The following NKAIN2 variants were observed in gnomAD, a reference collection of about 807,000 sequenced individuals.
The protein encoded by NKAIN2 is sodium/potassium transporting ATPase interacting 2.
Under a neutral mutation model 32.6 loss-of-function variants are expected in NKAIN2, and 14 were observed. The ratio of observed to expected loss-of-function variants is 0.43; its 90% CI spans 0.28 to 0.67. NKAIN2 has a LOEUF of 0.67. Ranked by LOEUF, NKAIN2 falls within the 30% of genes least tolerant of loss-of-function variation. The probability of loss-of-function intolerance (pLI) is 0.17; values close to 1 mark genes in which losing one functional copy is unlikely to be tolerated. For synonymous variants in NKAIN2, 80 were observed against 87.2 expected, an observed-to-expected ratio of 0.92 and a Z score of 0.46; for missense variants, 198 against 258.3, an observed-to-expected ratio of 0.77 and a Z score of 1.60.
intron 1 of NKAIN2, among the ~76,000 whole-genome samples, chr6:124,085,246 A>G (rs1475495868): frequency 6.6e-6 from 1 of 152,106 alleles, no homozygotes; most frequent in Non-Finnish European, 1.5e-5. Context: ...GAATTGAAAT[A>G]CCATAAATTT....
At chr6:124,772,801 C>A (rs1296659814) in intron 4 of NKAIN2, among the ~76,000 whole-genome samples, 1 of 152,144 alleles carries the variant, frequency 6.6e-6, no homozygotes, top group African/African-American at 2.4e-5. Context: ...AACTCAGACA[C>A]TGTGGAATCC....
intron 1 of NKAIN2, among the ~76,000 whole-genome samples, chr6:124,177,428 G>A (rs1789215765): frequency 6.6e-6 from 1 of 152,012 alleles, no homozygotes; most frequent in Admixed American, 6.6e-5. Context: ...GACTACCACT[G>A]GAATCCTTTT....
chr6:124,296,766 G>A (rs1023302052), intron 2 of NKAIN2, among the ~76,000 whole-genome samples: 3 of 152,286 alleles, frequency 2.0e-5, no homozygotes, highest in East Asian at 1.9e-4. Flanking sequence ...GATATTAGGA[G>A]CAATTAAAAT....
chr6:124,385,325 A>G (rs998592530), intron 3 of NKAIN2, among the ~76,000 whole-genome samples: 2 of 152,090 alleles, frequency 1.3e-5, no homozygotes, highest in African/African-American at 2.4e-5. Flanking sequence ...TCTCTTAGCC[A>G]CTGGCAGCCC....
At position 123,982,966 on chromosome 6, in the gene NKAIN2, T is replaced by A. The variant is rs12662598; in HGVS notation, c.54+178712T>A. On this transcript the variant is annotated intron_variant, in intron 1 of 6. Coordinates refer to ENST00000368417, the MANE Select transcript of NKAIN2 (RefSeq NM_001040214.3). The stretch of plus-strand genomic sequence containing the variant: ...CCCTATTCCTTCCTTCTTTCCTCCA[T>A]TCTTTCCTTACCACCCCCACCCCCG... Among the ~76,000 whole-genome samples the A allele has an allele frequency of 0.01, 1,553 of 151,642 alleles. 98 individuals are homozygous for A. The East Asian group carries it at 0.18, about 17-fold the overall frequency.
At chr6:124,282,430 G>A (rs1470123230) in intron 1 of NKAIN2, among the ~76,000 whole-genome samples, 3 of 151,234 alleles carry the variant, frequency 2.0e-5, no homozygotes, top group South Asian at 2.1e-4. Flanking sequence ...TACACACCTC[G>A]TCAAAGTCCT....
At chr6:124,759,416 C>A (rs1778120186) in intron 4 of NKAIN2, among the ~76,000 whole-genome samples, 1 of 151,944 alleles carries the variant, frequency 6.6e-6, no homozygotes, top group South Asian at 2.1e-4. Flanking sequence ...AGGATCTAGT[C>A]TATATTATAT....
chr6:123,883,894 CAAAAAAAAA>C (rs369070419), intron 1 of NKAIN2, among the ~76,000 whole-genome samples: 2 of 63,876 alleles, frequency 3.1e-5, no homozygotes, highest in Non-Finnish European at 5.6e-5. Context: ...GACTCTGTCT[CAAAAAAAAA>C]AAAAAAAAAA....
intron 3 of NKAIN2, among the ~76,000 whole-genome samples, chr6:124,564,751 T>C (rs1583447458): frequency 6.6e-6 from 1 of 152,200 alleles, no homozygotes; most frequent in Non-Finnish European, 1.5e-5. Context: ...ATTGCACAAG[T>C]TGATTAAATT....
intron 3 of NKAIN2, among the ~76,000 whole-genome samples, chr6:124,616,859 G>C (rs558022222): frequency 1.3e-5 from 2 of 152,032 alleles, no homozygotes; most frequent in East Asian, 1.9e-4. Context: ...TGCATACATA[G>C]CTCTGTATCT....
At chr6:124,174,968 G>A (rs1036933324) in intron 1 of NKAIN2, among the ~76,000 whole-genome samples, 1 of 151,958 alleles carries the variant, frequency 6.6e-6, no homozygotes, top group Non-Finnish European at 1.5e-5. Context: ...ATTATCTGAG[G>A]ACTTTAATAA....
At chr6:124,013,178 TTTA>T (rs1253100247) in intron 1 of NKAIN2, among the ~76,000 whole-genome samples, 1 of 152,200 alleles carries the variant, frequency 6.6e-6, no homozygotes, top group Non-Finnish European at 1.5e-5. Context: ...GACATTTTGT[TTTA>T]TTATTCTAGA....
At chr6:124,076,822 C>T (rs955910204) in intron 1 of NKAIN2, among the ~76,000 whole-genome samples, 1 of 152,166 alleles carries the variant, frequency 6.6e-6, no homozygotes, top group African/African-American at 2.4e-5. Flanking sequence ...GAGTCACGCC[C>T]AGGCTCTCCT....
chr6:124,783,530 G>A (rs1478015484), intron 4 of NKAIN2, among the ~76,000 whole-genome samples: 1 of 152,274 alleles, frequency 6.6e-6, no homozygotes, highest in Non-Finnish European at 1.5e-5. Flanking sequence ...TAGCCCTGGA[G>A]GCAATCCTCC....
intron 4 of NKAIN2, among the ~76,000 whole-genome samples, chr6:124,763,524 G>A (rs551647286): frequency 6.6e-6 from 1 of 152,104 alleles, no homozygotes; most frequent in African/African-American, 2.4e-5. Flanking sequence ...TAGCACGAAG[G>A]GGGCAATCTG....
chr6:124,643,076 C>A (rs902164477), intron 3 of NKAIN2, among the ~76,000 whole-genome samples: 1 of 152,178 alleles, frequency 6.6e-6, no homozygotes, highest in African/African-American at 2.4e-5. Context: ...CACCACATAT[C>A]TCCTGCACAG....
At chr6:124,722,630 G>C (rs942591603) in intron 4 of NKAIN2, among the ~76,000 whole-genome samples, 3 of 152,180 alleles carry the variant, frequency 2.0e-5, no homozygotes, top group African/African-American at 7.2e-5. Flanking sequence ...ACAGGAGGCA[G>C]AGCTCAGATC....
intron 3 of NKAIN2, among the ~76,000 whole-genome samples, chr6:124,456,122 C>T (rs1399333551): frequency 2.0e-5 from 3 of 151,814 alleles, no homozygotes; most frequent in Admixed American, 6.6e-5. Context: ...TAAAAAATAT[C>T]CCTAAATAAT....
intron 1 of NKAIN2, among the ~76,000 whole-genome samples, chr6:124,103,769 T>G (rs1784993516): frequency 6.6e-6 from 1 of 152,178 alleles, no homozygotes; most frequent in Non-Finnish European, 1.5e-5. Context: ...TCTCCTTTTT[T>G]AGTTATATGA....
Sources: allele counts gnomAD v4.1 joint callset (sites outside exome capture counted in the v4.1 genomes callset), GRCh38; gene constraint gnomAD v4.1.1; transcripts MANE v1.5; gene names NCBI Gene and HGNC (gene_info 2026-07-23, HGNC 2026-07-21).